COX7B: variants seen among roughly 807,000 people sequenced by gnomAD.
COX7B encodes the protein cytochrome c oxidase subunit 7B, mitochondrial.
Under a neutral mutation model 7.9 loss-of-function variants are expected in COX7B, and 2 were observed. The ratio of observed to expected loss-of-function variants is 0.25; its 90% CI spans 0.10 to 0.79. COX7B has a LOEUF of 0.79. Among genes scored for constraint, COX7B ranks in the 30% least tolerant of loss-of-function variants. COX7B has a pLI of 0.69. For synonymous variants in COX7B, 19 were observed against 21.1 expected, an observed-to-expected ratio of 0.90 and a Z score of 0.27; for missense variants, 54 against 62.7, an observed-to-expected ratio of 0.86 and a Z score of 0.47.
In COX7B at chrX:77,899,507, C is replaced by T; in HGVS notation, c.-47C>T. 1 of 1,200,974 alleles carries T rather than the reference C, an allele frequency of 8.3e-7. No individual in the cohort carries two copies. The highest frequency in any genetic ancestry group is 1.7e-5 in the African/African-American group (1 of 57,655). ...TTCAAGGGTACCTGAAGCGAATTGG[C>T]ACCAAAGCAGCAGCTGTATTGCCGC... On this transcript the variant is annotated 5_prime_UTR_variant, in exon 1 of 3. Transcript: ENST00000650309.
At chrX:77,902,857 T>G in intron 2 of COX7B, 90 bp downstream of exon 2, 1 of 916,209 alleles carries the variant, frequency 1.1e-6, no homozygotes, top group Admixed American at 2.6e-5. Flanking sequence ...AGTGTACATA[T>G]CTAGTTAGGA....
chrX:77,901,110 C>T (rs1569548458), intron 1 of COX7B, among the ~76,000 whole-genome samples: 2 of 111,018 alleles, frequency 1.8e-5, no homozygotes, highest in Admixed American at 1.9e-4. Context: ...TTGCCTATCC[C>T]GGTGTGACTA....
chrX:77,899,636 C>T (rs2077115643), intron 1 of COX7B, 43 bp downstream of exon 1: 3 of 1,159,790 alleles, frequency 2.6e-6, no homozygotes, highest in Admixed American at 2.2e-5. Flanking sequence ...AACCTTATAT[C>T]AATGTGTCCT....
chrX:77,899,614 A>G (rs1557220480), intron 1 of COX7B, 21 bp downstream of exon 1: 1 of 1,201,926 alleles, frequency 8.3e-7, no homozygotes, highest in Admixed American at 2.2e-5. Context: ...ATTATGACAA[A>G]TCATTTACAA....
intron 2 of COX7B, among the ~76,000 whole-genome samples, chrX:77,903,383 G>A (rs370489209): frequency 1.8e-5 from 2 of 108,730 alleles, no homozygotes; most frequent in Non-Finnish European, 3.8e-5. Context: ...TAGTAGAGAC[G>A]GGGTTTCACC....
chrX:77,903,022 G>T (rs1351431111), intron 2 of COX7B: 25 of 189,086 alleles, frequency 1.3e-4, no homozygotes, highest in South Asian at 4.7e-4. Context: ...TGTTTTTTTT[G>T]TTTTTGTTTT....
chrX:77,904,782 A>G (rs1338044062), intron 2 of COX7B, among the ~76,000 whole-genome samples: 1 of 112,281 alleles, frequency 8.9e-6, no homozygotes, highest in Admixed American at 9.5e-5. Context: ...ATACTCTGGC[A>G]GTTACTTAGG....
chrX:77,903,191 A>AT (rs1218515030), intron 2 of COX7B: 1,116 of 46,098 alleles, frequency 0.024, 28 homozygotes, highest in African/African-American at 0.031. Context: ...AGGCCTGGCT[A>AT]TTTTTTTTTT....
Position 77,902,690 on chromosome X carries a change from A to G in COX7B, c.88A>G (p.Thr30Ala). 1.7e-6 allele frequency: 2 copies of G among 1,209,247 alleles called. No homozygotes were observed. Among genetic ancestry groups the G allele is most frequent in the Non-Finnish European group, 2.2e-6 (2 of 894,429 alleles). ...GGCAAGGCAGAGCCACCAGAAACGT[A>G]CACCTGATTTTCATGACAAATACGG... ...TMARQSHQKR[T>A]PDFHDKYGNA... The change falls in exon 2 of 3, where the codon ACA (threonine) becomes GCA (alanine). Residue 30 changes from threonine to alanine, a missense_variant. Thr to Ala is a moderately conservative substitution (Grantham distance 58). Coordinates refer to ENST00000650309, the MANE Select transcript of COX7B (RefSeq NM_001866.3).
intron 1 of COX7B, among the ~76,000 whole-genome samples, chrX:77,900,223 C>G (rs782255120): frequency 9.0e-6 from 1 of 111,078 alleles, no homozygotes; most frequent in Non-Finnish European, 1.9e-5. Context: ...AAAAATTAGC[C>G]GGGCGTGGTG....
rs1232372681 is a variant in COX7B, at chrX:77,899,506, G to A, written c.-48G>A. On this transcript the variant is annotated 5_prime_UTR_variant, in exon 1 of 3. Coordinates refer to ENST00000650309, the MANE Select transcript of COX7B (RefSeq NM_001866.3). The stretch of plus-strand genomic sequence containing the variant: ...CTTCAAGGGTACCTGAAGCGAATTG[G>A]CACCAAAGCAGCAGCTGTATTGCCG... 9 of 1,197,917 alleles carry A rather than the reference G, an allele frequency of 7.5e-6. No individual in the cohort carries two copies. Among genetic ancestry groups the A allele is most frequent in the Middle Eastern group, 2.3e-4 (1 of 4,334 alleles).
intron 2 of COX7B, 136 bp downstream of exon 2, chrX:77,902,903 C>A (rs2077124445): frequency 1.8e-6 from 1 of 563,822 alleles, no homozygotes; most frequent in Non-Finnish European, 2.7e-6. Context: ...ATTACCCACA[C>A]AGTGCAGGGG....
rs1557221031 is a variant in COX7B at position 77,905,276 on chromosome X, G to A, written c.*15G>A. 2.6e-6 allele frequency: 3 copies of A among 1,170,400 alleles called. No homozygotes were observed. The highest frequency in any genetic ancestry group is 5.9e-5 in the East Asian group (2 of 33,667). On this transcript the variant is annotated 3_prime_UTR_variant, in exon 3 of 3. Transcript: ENST00000650309. ...GGAATCAGTAATCATCCCAGCTGGT[G>A]TAATAATGAATTGTTTAAAAAACAG...
In COX7B at chrX:77,906,218, C is replaced by T. The variant is rs943193344; in HGVS notation, c.*957C>T. ...ATCACCTTTGAGCCAAAAATTTGGC[C>T]TGGATTTTGGTTATGCCTACTACTA... is the stretch of plus-strand genomic sequence containing the variant. On this transcript the variant is annotated 3_prime_UTR_variant, in exon 3 of 3. Coordinates refer to ENST00000650309, the MANE Select transcript of COX7B (RefSeq NM_001866.3). 1 of 112,114 alleles carries T rather than the reference C, an allele frequency of 8.9e-6. No individual in the cohort carries two copies. Among genetic ancestry groups the T allele is most frequent in the African/African-American group, 3.2e-5 (1 of 30,853 alleles). The allele number at this position is 112,114 out of a possible 1,213,427, so 9.2% of individuals were successfully genotyped here.
Position 77,899,532 on chromosome X carries a change from C to T in COX7B, c.-22C>T, listed in dbSNP as rs2077115297. The T allele has an allele frequency of 5.0e-6, 6 of 1,210,907 alleles. No individual in the cohort carries two copies. The highest frequency in any genetic ancestry group is 6.7e-6 in the Non-Finnish European group (6 of 894,919). On this transcript the variant is annotated 5_prime_UTR_variant, in exon 1 of 3. Transcript: ENST00000650309. ...CACCAAAGCAGCAGCTGTATTGCCG[C>T]AGTTCTAGCTTCACCTTCACGATGT...
At chrX:77,903,026 TTG>T in intron 2 of COX7B, 1 of 229,552 alleles carries the variant, frequency 4.4e-6, no homozygotes, top group East Asian at 7.2e-5. Context: ...TTTTTTGTTT[TTG>T]TTTTTTTTTT....
intron 2 of COX7B, among the ~76,000 whole-genome samples, 182 bp from the exon 3 acceptor site, chrX:77,905,002 G>A (rs1258961846): frequency 1.8e-5 from 2 of 112,133 alleles, no homozygotes; most frequent in Admixed American, 9.5e-5. Flanking sequence ...TTGAACAACA[G>A]GACTGCTCTA....
intron 1 of COX7B, among the ~76,000 whole-genome samples, chrX:77,900,020 C>T (rs1293806147): frequency 1.8e-5 from 2 of 111,868 alleles, no homozygotes; most frequent in Non-Finnish European, 3.8e-5. Flanking sequence ...GGTTTAATTG[C>T]AGGGAAACAA....
At position 77,902,417 on chromosome X, in the gene COX7B, A is replaced by G. The variant is rs186551143; in HGVS notation, c.41-226A>G. ...AAGATTCTACAGTTAACATTTTGCT[A>G]TTTGTTTTATCATGTATTTGTCCAT... On this transcript the variant is annotated intron_variant, in intron 1 of 2. Transcript: ENST00000650309. Among the ~76,000 whole-genome samples the G allele has an allele frequency of 7.0e-3, 785 of 112,183 alleles. 10 individuals are homozygous for G. Among genetic ancestry groups the G allele is most frequent in the Non-Finnish European group, 0.01 (541 of 53,228 alleles).
Sources: gnomAD v4.1 joint callset for allele counts (sites outside exome capture counted in the v4.1 genomes callset) on GRCh38, gnomAD v4.1.1 for gene constraint, MANE v1.5 for transcripts, NCBI Gene and HGNC (gene_info 2026-07-23, HGNC 2026-07-21) for gene names.